Variants in GALNTL6 observed in about 807,000 individuals in gnomAD.
GALNTL6 encodes the protein polypeptide N-acetylgalactosaminyltransferase-like 6.
Under a neutral mutation model 73.7 loss-of-function variants are expected in GALNTL6, and 46 were observed. That is an observed-to-expected ratio of 0.62 (90% CI 0.49 to 0.80). The LOEUF is 0.80. Ranked by LOEUF, GALNTL6 falls within the 30% of genes least tolerant of loss-of-function variation. The pLI is 0.00. For synonymous variants in GALNTL6, 259 were observed against 263.7 expected (o/e 0.98, Z 0.17); for missense variants, 604 against 755.0 (o/e 0.80, Z 2.34).
At chr4:172,769,004 A>C (rs1055629341) in intron 5 of GALNTL6, among the ~76,000 whole-genome samples, 1 of 152,038 alleles carries the variant, frequency 6.6e-6, no homozygotes, top group Middle Eastern at 3.2e-3. Flanking sequence ...CTGGTCCGCA[A>C]ACAGATAAGC....
At chr4:172,442,587 A>G (rs1397644717) in intron 5 of GALNTL6, among the ~76,000 whole-genome samples, 1 of 152,156 alleles carries the variant, frequency 6.6e-6, no homozygotes, top group East Asian at 1.9e-4. Context: ...ACTCAACAAG[A>G]AAGGACAACA....
intron 2 of GALNTL6, among the ~76,000 whole-genome samples, chr4:172,032,926 A>G (rs1307484677): frequency 6.6e-6 from 1 of 151,746 alleles, no homozygotes; most frequent in Non-Finnish European, 1.5e-5. Flanking sequence ...CTGATTGGAG[A>G]GATGAAAAAT....
intron 5 of GALNTL6, among the ~76,000 whole-genome samples, chr4:172,697,297 C>A (rs1733756517): frequency 6.6e-6 from 1 of 152,114 alleles, no homozygotes; most frequent in Non-Finnish European, 1.5e-5. Flanking sequence ...AGGTCATTAC[C>A]CTGGATGCAT....
chr4:172,105,256 G>A (rs1732645066), intron 2 of GALNTL6, among the ~76,000 whole-genome samples: 1 of 151,896 alleles, frequency 6.6e-6, no homozygotes, highest in Non-Finnish European at 1.5e-5. Flanking sequence ...TAGAGTAAAT[G>A]ACTTAACTAA....
At chr4:172,309,207 G>A (rs527394575) in intron 3 of GALNTL6, among the ~76,000 whole-genome samples, 8 of 152,038 alleles carry the variant, frequency 5.3e-5, no homozygotes, top group Admixed American at 2.6e-4. Context: ...ATCCCCAGCC[G>A]TATGATCTTG....
intron 5 of GALNTL6, among the ~76,000 whole-genome samples, chr4:172,499,439 C>T (rs1210574580): frequency 9.9e-5 from 15 of 152,166 alleles, no homozygotes; most frequent in Non-Finnish European, 2.1e-4. Context: ...CCAGAGCTGT[C>T]GGAAATAAAT....
At chr4:172,112,535 G>A (rs1732881038) in intron 2 of GALNTL6, among the ~76,000 whole-genome samples, 1 of 151,996 alleles carries the variant, frequency 6.6e-6, no homozygotes, top group Non-Finnish European at 1.5e-5. Context: ...AATTCCTGTT[G>A]CTCCACATTC....
chr4:172,328,831 T>A (rs1206747175), intron 4 of GALNTL6, among the ~76,000 whole-genome samples: 1 of 152,230 alleles, frequency 6.6e-6, no homozygotes, highest in Non-Finnish European at 1.5e-5. Flanking sequence ...TGATCTTTGT[T>A]CCTACTCATA....
chr4:172,871,611 A>AGG (rs1553997718), intron 7 of GALNTL6, among the ~76,000 whole-genome samples: 3 of 137,610 alleles, frequency 2.2e-5, no homozygotes, highest in Non-Finnish European at 3.1e-5. Flanking sequence ...TGTGTGTGAG[A>AGG]GTGTGTGTGT....
chr4:172,565,266 T>G (rs2110935192), intron 5 of GALNTL6, among the ~76,000 whole-genome samples: 1 of 152,360 alleles, frequency 6.6e-6, no homozygotes. Context: ...TATTCATTCT[T>G]TTGTCTTTTT....
intron 3 of GALNTL6, among the ~76,000 whole-genome samples, chr4:172,299,294 G>T (rs374616991): frequency 6.6e-6 from 1 of 151,960 alleles, no homozygotes; most frequent in Non-Finnish European, 1.5e-5. Context: ...GTCTATCAAT[G>T]TTGTTGATCT....
intron 5 of GALNTL6, among the ~76,000 whole-genome samples, chr4:172,795,999 G>T (rs1740240681): frequency 6.6e-6 from 1 of 151,138 alleles, no homozygotes; most frequent in Non-Finnish European, 1.5e-5. Context: ...AGATTTAAAA[G>T]AACAAGTACA....
chr4:172,990,726 A>G (rs1488045190), intron 10 of GALNTL6, among the ~76,000 whole-genome samples: 2 of 152,218 alleles, frequency 1.3e-5, no homozygotes, highest in Non-Finnish European at 2.9e-5. Context: ...TAGTATAGCC[A>G]CAATTAAAGA....
intron 5 of GALNTL6, among the ~76,000 whole-genome samples, chr4:172,676,955 ATTC>A (rs887221434): frequency 1.4e-4 from 21 of 152,274 alleles, no homozygotes; most frequent in African/African-American, 4.6e-4. Flanking sequence ...AGCCAGTAGT[ATTC>A]TTCTTCTTCT....
chr4:172,250,253 G>A (rs889553181), intron 3 of GALNTL6, among the ~76,000 whole-genome samples: 2 of 152,136 alleles, frequency 1.3e-5, no homozygotes, highest in Non-Finnish European at 2.9e-5. Flanking sequence ...TGGAGTGGGG[G>A]TATTTCCCCA....
At chr4:172,026,536 A>T (rs1376339772) in intron 2 of GALNTL6, among the ~76,000 whole-genome samples, 1 of 152,186 alleles carries the variant, frequency 6.6e-6, no homozygotes, top group Non-Finnish European at 1.5e-5. Context: ...TTTTTAATTA[A>T]GTAAATTTAA....
In GALNTL6 at chr4:172,579,394, A is replaced by T. The variant is rs535884114; in HGVS notation, c.554-229967A>T. ...TACCTAAAATACTGGAAAACTATAT[A>T]TAAGTCTTTATCTGTGTATCATGGC... On this transcript the variant is annotated intron_variant, in intron 5 of 12. Transcript: ENST00000506823. Among the ~76,000 whole-genome samples, 10 of 152,320 alleles carry T rather than the reference A, an allele frequency of 6.6e-5. No homozygotes were observed. The South Asian group carries it at 1.7e-3, about 25-fold the overall frequency.
chr4:171,883,335 G>GAGCA (rs1736509811), intron 2 of GALNTL6, among the ~76,000 whole-genome samples: 1 of 152,150 alleles, frequency 6.6e-6, no homozygotes. Context: ...CTGAGCGACA[G>GAGCA]AGCAAGACTC....
chr4:172,817,280 A>G (rs766950195), intron 7 of GALNTL6, among the ~76,000 whole-genome samples: 32 of 151,818 alleles, frequency 2.1e-4, no homozygotes, highest in Non-Finnish European at 4.1e-4. Flanking sequence ...ATATATACAT[A>G]TATAGTGGGG....
Sources: allele counts gnomAD v4.1 joint callset (sites outside exome capture counted in the v4.1 genomes callset), GRCh38; gene constraint gnomAD v4.1.1; transcripts MANE v1.5; gene names NCBI Gene and HGNC (gene_info 2026-07-23, HGNC 2026-07-21).